The following MAF variants were observed in gnomAD, a reference collection of about 807,000 sequenced individuals.
MAF encodes the protein transcription factor Maf.
A neutral mutation model predicts 22.0 loss-of-function variants in MAF; 10 were observed. The ratio of observed to expected loss-of-function variants is 0.45; its 90% CI spans 0.28 to 0.77. The LOEUF (loss-of-function observed/expected upper bound fraction) is 0.77. Among genes scored for constraint, MAF ranks in the 30% least tolerant of loss-of-function variants. MAF has a pLI of 0.12. For synonymous variants in MAF, 337 were observed against 255.8 expected, an observed-to-expected ratio of 1.32 and a Z score of -3.03; for missense variants, 544 against 548.4, an observed-to-expected ratio of 0.99 and a Z score of 0.08.
chr16:79,216,286 C>T, the MAF span, among the ~76,000 whole-genome samples: 4 of 152,120 alleles, frequency 2.6e-5, no homozygotes, highest in African/African-American at 4.8e-5. Context: ...ACATGTAAAA[C>T]ACAGGCATTA....
chr16:79,438,320 G>C, the MAF span, among the ~76,000 whole-genome samples: 3 of 152,190 alleles, frequency 2.0e-5, no homozygotes, highest in Non-Finnish European at 4.4e-5. Flanking sequence ...CACCCGTTTG[G>C]AGGTAGAGCA....
At chr16:79,401,619 A>T in the MAF span, among the ~76,000 whole-genome samples, 3 of 152,180 alleles carry the variant, frequency 2.0e-5, no homozygotes, top group Non-Finnish European at 4.4e-5. Flanking sequence ...GAAAGAAATG[A>T]TGCCAGGGTA....
At chr16:79,506,721 G>C in the MAF span, among the ~76,000 whole-genome samples, 1 of 152,212 alleles carries the variant, frequency 6.6e-6, no homozygotes, top group African/African-American at 2.4e-5. Context: ...GCATGGGTCT[G>C]TGAGCTGTTC....
At chr16:79,408,363 A>G in the MAF span, among the ~76,000 whole-genome samples, 1 of 151,870 alleles carries the variant, frequency 6.6e-6, no homozygotes, top group South Asian at 2.1e-4. Context: ...TTTAGTAGAG[A>G]CGGGGTTTCG....
the MAF span, among the ~76,000 whole-genome samples, chr16:79,220,794 C>T: frequency 3.3e-5 from 5 of 152,200 alleles, no homozygotes; most frequent in Non-Finnish European, 7.3e-5. Context: ...TGGCTTTTAT[C>T]TCTGCTGCTG....
the MAF span, among the ~76,000 whole-genome samples, chr16:79,263,342 C>A: frequency 6.6e-6 from 1 of 152,182 alleles, no homozygotes; most frequent in Non-Finnish European, 1.5e-5. Context: ...TCTATAGTTA[C>A]AAATATTAAC....
the MAF span, among the ~76,000 whole-genome samples, chr16:79,488,329 G>A: frequency 2.9e-4 from 44 of 152,244 alleles, no homozygotes; most frequent in African/African-American, 9.4e-4. Flanking sequence ...GAAATGTTAG[G>A]TCCTCTCCTC....
the MAF span, among the ~76,000 whole-genome samples, chr16:79,572,837 T>C: frequency 6.6e-6 from 1 of 152,200 alleles, no homozygotes; most frequent in Admixed American, 6.5e-5. Flanking sequence ...TGTATTGAAT[T>C]AAAATTCCCA....
At chr16:79,571,530 A>ATTTTTTTTTTTTTTTTTTTTTT in the MAF span, among the ~76,000 whole-genome samples, 91 of 103,866 alleles carry the variant, frequency 8.8e-4, no homozygotes, top group African/African-American at 3.3e-3. Context: ...TCTCAGCGGA[A>ATTTTTTTTTTTTTTTTTTTTTT]TTTTTTTTTT....
chr16:79,443,181 G>T, the MAF span, among the ~76,000 whole-genome samples: 1 of 152,126 alleles, frequency 6.6e-6, no homozygotes, highest in Non-Finnish European at 1.5e-5. Context: ...TCTCTCCTTG[G>T]TGTCCAAGAT....
At chr16:79,559,853 A>G in the MAF span, among the ~76,000 whole-genome samples, 9 of 152,300 alleles carry the variant, frequency 5.9e-5, no homozygotes, top group Admixed American at 1.3e-4. Context: ...TTCTCCTACC[A>G]TAACACTGCT....
At chr16:79,209,203 G>A in the MAF span, among the ~76,000 whole-genome samples, 2 of 152,200 alleles carry the variant, frequency 1.3e-5, no homozygotes, top group African/African-American at 4.8e-5. Context: ...GGCATGAAAT[G>A]AAGCCAGTTG....
At chr16:79,388,411 G>T in the MAF span, among the ~76,000 whole-genome samples, 3 of 152,164 alleles carry the variant, frequency 2.0e-5, no homozygotes, top group South Asian at 6.2e-4. Context: ...TCAAGTGGAG[G>T]ATTCTTAGAG....
At chr16:79,372,167 G>T in the MAF span, among the ~76,000 whole-genome samples, 2 of 150,130 alleles carry the variant, frequency 1.3e-5, no homozygotes, top group African/African-American at 2.5e-5. Context: ...GTTCCAGATG[G>T]TTTTTTGTTT....
chr16:79,424,473 G>C, the MAF span, among the ~76,000 whole-genome samples: 1 of 152,050 alleles, frequency 6.6e-6, no homozygotes, highest in East Asian at 1.9e-4. Flanking sequence ...CCCCCTCCTT[G>C]ATTAAAAAAA....
At chr16:79,502,976 G>A in the MAF span, among the ~76,000 whole-genome samples, 1 of 151,588 alleles carries the variant, frequency 6.6e-6, no homozygotes, top group South Asian at 2.1e-4. Context: ...GGATTAAAAA[G>A]CTATCAGCTT....
the MAF span, among the ~76,000 whole-genome samples, chr16:79,207,738 T>A: frequency 6.6e-6 from 1 of 152,158 alleles, no homozygotes; most frequent in Non-Finnish European, 1.5e-5. Flanking sequence ...TCCCTGTGAG[T>A]ATTATATTAG....
the MAF span, among the ~76,000 whole-genome samples, chr16:79,500,294 T>C: frequency 1.3e-3 from 197 of 152,308 alleles, no homozygotes; most frequent in Non-Finnish European, 2.3e-3. Context: ...AATAATCCCA[T>C]CTGCCATCTC....
At chr16:79,397,145 A>G in the MAF span, among the ~76,000 whole-genome samples, 2 of 152,270 alleles carry the variant, frequency 1.3e-5, no homozygotes, top group Admixed American at 1.3e-4. Flanking sequence ...GGCACACAGC[A>G]TAGATTAAAT....
Sources: allele counts gnomAD v4.1 joint callset (sites outside exome capture counted in the v4.1 genomes callset), GRCh38; gene constraint gnomAD v4.1.1; transcripts MANE v1.5; gene names NCBI Gene and HGNC (gene_info 2026-07-23, HGNC 2026-07-21).